USH2A: variants seen among roughly 807,000 people sequenced by gnomAD.
The protein encoded by USH2A is Usher syndrome 2A (autosomal recessive, mild).
A neutral mutation model predicts 538.9 loss-of-function variants in USH2A; 443 were observed. The observed-to-expected ratio is 0.82, with a 90% CI of 0.76 to 0.89. USH2A has a LOEUF of 0.89. USH2A is among the 40% of genes least tolerant of loss of function. The pLI, the probability that USH2A is intolerant of heterozygous loss-of-function variation, is 0.00. For synonymous variants in USH2A, 2,413 were observed against 2,273.5 expected (o/e 1.06, Z -1.75); for missense variants, 6,633 against 6,324.8 (o/e 1.05, Z -1.65).
chr1:215,736,938 A>C (rs1660171415), intron 60 of USH2A, among the ~76,000 whole-genome samples: 2 of 151,998 alleles, frequency 1.3e-5, no homozygotes, highest in Non-Finnish European at 2.9e-5. Flanking sequence ...AGTAAAGACA[A>C]ATCCTCAACA....
Position 216,247,019 on chromosome 1 carries a change from C to G in USH2A, c.2375G>C (p.Cys792Ser), listed in dbSNP as rs759186102. The G allele has an allele frequency of 6.2e-7, 1 of 1,614,052 alleles. No individual in the cohort carries two copies. Among genetic ancestry groups the G allele is most frequent in the South Asian group, 1.1e-5 (1 of 91,080 alleles). Residue 792 changes from cysteine to serine, a missense_variant, in exon 13 of 72, where the codon TGT (cysteine) becomes TCT (serine). By Grantham distance (112) the Cys-to-Ser change is moderately radical (BLOSUM62 -1). Coordinates refer to ENST00000307340, the MANE Select transcript of USH2A (RefSeq NM_206933.4). ...AGCTGTGTCACAGTCACAGGCCTTA[C>G]AATTGGTGACATCTAACCCATAAAA... ...ENFYGLDVTN[C>S]KACDCDTAGS...
chr1:216,263,970 A>G (rs1368369238), intron 11 of USH2A, among the ~76,000 whole-genome samples: 2 of 152,130 alleles, frequency 1.3e-5, no homozygotes, highest in Non-Finnish European at 2.9e-5. Context: ...TTCCTATACA[A>G]CAAGCACAAA....
At chr1:216,313,816 T>C (rs1296938247) in intron 9 of USH2A, among the ~76,000 whole-genome samples, 1 of 152,308 alleles carries the variant, frequency 6.6e-6, no homozygotes, top group African/African-American at 2.4e-5. Context: ...TTGGTTGCCT[T>C]CTCTCTGCAT....
At chr1:216,239,086 A>G (rs962963509) in intron 13 of USH2A, among the ~76,000 whole-genome samples, 7 of 144,284 alleles carry the variant, frequency 4.9e-5, no homozygotes, top group African/African-American at 1.5e-4. Context: ...GTTTTACTGT[A>G]AGAGACCATA....
intron 3 of USH2A, among the ~76,000 whole-genome samples, chr1:216,412,512 C>T (rs1373131295): frequency 6.6e-6 from 1 of 151,952 alleles, no homozygotes; most frequent in African/African-American, 2.4e-5. Context: ...GAACTTTATA[C>T]AAAATTACAT....
intron 11 of USH2A, among the ~76,000 whole-genome samples, chr1:216,270,857 G>A (rs907663): frequency 0.014 from 2,091 of 152,068 alleles, 45 homozygotes; most frequent in African/African-American, 0.048. Flanking sequence ...TTACAGGCAT[G>A]AGCCACTGTG....
chr1:216,162,791 C>T (rs2034084949), intron 21 of USH2A, among the ~76,000 whole-genome samples: 1 of 152,052 alleles, frequency 6.6e-6, no homozygotes, highest in Non-Finnish European at 1.5e-5. Context: ...ATGTGTGCAT[C>T]CTTAGCTCTA....
chr1:215,978,340 C>T (rs1257097893), intron 35 of USH2A, among the ~76,000 whole-genome samples: 1 of 152,082 alleles, frequency 6.6e-6, no homozygotes, highest in African/African-American at 2.4e-5. Context: ...GGCCATCTTA[C>T]CCCACTCTGG....
chr1:215,953,599 C>G (rs1666987989), intron 37 of USH2A, among the ~76,000 whole-genome samples: 1 of 151,940 alleles, frequency 6.6e-6, no homozygotes, highest in Admixed American at 6.6e-5. Context: ...AGACCTAAAA[C>G]CATAAAAACC....
At chr1:216,013,076 G>A (rs943349892) in intron 32 of USH2A, among the ~76,000 whole-genome samples, 4 of 152,118 alleles carry the variant, frequency 2.6e-5, no homozygotes, top group Admixed American at 6.5e-5. Flanking sequence ...ATCTTTGCTG[G>A]CAGGACTATG....
chr1:216,046,352 G>A (rs2102524733), intron 32 of USH2A, 79 bp downstream of exon 32: 3 of 1,546,918 alleles, frequency 1.9e-6, no homozygotes, highest in Admixed American at 3.4e-5. Context: ...GGAACCCCTG[G>A]ATATCGAGAG....
intron 9 of USH2A, among the ~76,000 whole-genome samples, chr1:216,308,970 C>T (rs534305732): frequency 8.5e-5 from 13 of 152,250 alleles, no homozygotes; most frequent in African/African-American, 3.1e-4. Context: ...AAAATACGAA[C>T]CTCTGTATAC....
intron 61 of USH2A, among the ~76,000 whole-genome samples, chr1:215,722,183 A>C (rs1485017250): frequency 6.6e-6 from 1 of 152,198 alleles, no homozygotes; most frequent in Non-Finnish European, 1.5e-5. Flanking sequence ...TCTTATTATA[A>C]AATGTGAAAA....
chr1:215,818,404 C>CTT (rs796968808), intron 47 of USH2A, among the ~76,000 whole-genome samples: 1 of 146,940 alleles, frequency 6.8e-6, no homozygotes, highest in African/African-American at 2.5e-5. Flanking sequence ...TAAATAGATT[C>CTT]TTTTTTTTTT....
chr1:216,324,278 A>T lies in USH2A; in HGVS notation c.1218T>A (p.Ser406Arg), dbSNP rs2037682584. Residue 406 changes from serine (S) to arginine (R), a missense_variant, in exon 7 of 72, where the codon AGT becomes AGA. Ser to Arg is a moderately radical substitution (Grantham distance 110, BLOSUM62 -1). Transcript: ENST00000307340. ...EIRIQRKKEN[S>R]LDWEDWQYFA... ...AATATTGCCAGTCCTCCCAATCTAA[A>T]CTATTTTCCTTCTTCCTTTGAATCC... 3 of 1,613,214 alleles carry T rather than the reference A, an allele frequency of 1.9e-6. No individual in the cohort carries two copies. Among genetic ancestry groups the T allele is most frequent in the African/African-American group, 1.3e-5 (1 of 74,990 alleles).
At chr1:216,279,355 A>G (rs2036729130) in intron 11 of USH2A, among the ~76,000 whole-genome samples, 1 of 152,128 alleles carries the variant, frequency 6.6e-6, no homozygotes, top group African/African-American at 2.4e-5. Flanking sequence ...TGCTTTTAAG[A>G]TGGGATTCAG....
At chr1:215,747,865 T>TTTTG (rs1263515677) in intron 58 of USH2A, among the ~76,000 whole-genome samples, 3 of 138,558 alleles carry the variant, frequency 2.2e-5, no homozygotes, top group African/African-American at 8.4e-5. Flanking sequence ...AGGTTTTTTG[T>TTTTG]TTTTTTTTGT....
At chr1:215,845,707 C>A (rs1391033534) in intron 45 of USH2A, 117 bp downstream of exon 45, 2 of 1,118,444 alleles carry the variant, frequency 1.8e-6, no homozygotes, top group Non-Finnish European at 1.3e-6. Flanking sequence ...GCCTCCACCC[C>A]CTTCCCTCCC....
chr1:216,378,362 CATCACTTCCATTCTATGTAAATATA>C (rs1427443239), intron 3 of USH2A, among the ~76,000 whole-genome samples: 1 of 152,150 alleles, frequency 6.6e-6, no homozygotes, highest in African/African-American at 2.4e-5. Flanking sequence ...TCTAAATTAG[CATCACTTCCATTCTATGTAAATATA>C]ATCAAGGTAG....
Sources: allele counts gnomAD v4.1 joint callset (sites outside exome capture counted in the v4.1 genomes callset), GRCh38; gene constraint gnomAD v4.1.1; transcripts MANE v1.5; gene names NCBI Gene and HGNC (gene_info 2026-07-23, HGNC 2026-07-21).